The following PGS1 variants were observed in gnomAD, a reference collection of about 807,000 sequenced individuals.
PGS1 encodes CDP-diacylglycerol--glycerol-3-phosphate 3-phosphatidyltransferase, mitochondrial.
Under a neutral mutation model 58.3 loss-of-function variants are expected in PGS1, and 44 were observed. The ratio of observed to expected loss-of-function variants is 0.75; its 90% CI spans 0.59 to 0.97. The LOEUF (loss-of-function observed/expected upper bound fraction) is 0.97, where lower values mean the gene tolerates loss of function less well. Among genes scored for constraint, PGS1 ranks in the 50% least tolerant of loss-of-function variants. The pLI, the probability that PGS1 is intolerant of heterozygous loss-of-function variation, is 0.00. For synonymous variants in PGS1, 330 were observed against 311.0 expected (o/e 1.06, Z -0.64); for missense variants, 684 against 731.1 (o/e 0.94, Z 0.74).
At chr17:78,394,762 C>G (rs547845713) in intron 2 of PGS1, among the ~76,000 whole-genome samples, 1 of 152,086 alleles carries the variant, frequency 6.6e-6, no homozygotes, top group Non-Finnish European at 1.5e-5. Context: ...TCCATGTTGG[C>G]CAGGCTGGTC....
rs1358477067 is a variant in PGS1 at position 78,392,538 on chromosome 17, C to T, written c.206C>T (p.Pro69Leu). 5 of 1,614,162 alleles carry T rather than the reference C, an allele frequency of 3.1e-6. No individual in the cohort carries two copies. The highest frequency in any genetic ancestry group is 2.2e-5 in the East Asian group (1 of 44,886). The change falls in exon 2 of 10, where the codon CCT becomes CTT. Residue 69 changes from proline to leucine, a missense_variant. Physicochemically the swap from Pro to Leu is moderately conservative, Grantham distance 98. Transcript: ENST00000262764. Reference sequence around the variant, plus strand: ...GCTGTTCCCCAGGTCACCTCCCCACCTTGCTGCCTGTGTCCAGAAGGCGTG... The same window carrying T: ...GCTGTTCCCCAGGTCACCTCCCCACTTTGCTGCCTGTGTCCAGAAGGCGTG... Reference protein sequence around the residue: ...SPAVPQVTSPPCCLCPEGVHR... With the variant: ...SPAVPQVTSPLCCLCPEGVHR...
chr17:78,381,222 T>C (rs2082014585), intron 1 of PGS1, among the ~76,000 whole-genome samples: 1 of 152,170 alleles, frequency 6.6e-6, no homozygotes, highest in Admixed American at 6.5e-5. Context: ...CTCTTTTTTT[T>C]GTAAATTGTG....
intron 7 of PGS1, among the ~76,000 whole-genome samples, chr17:78,414,291 C>T (rs2084981327): frequency 1.3e-5 from 2 of 152,230 alleles, no homozygotes; most frequent in Admixed American, 1.3e-4. Context: ...TGCCACCCCG[C>T]GTGACAACCC....
At chr17:78,390,369 G>A (rs1315446284) in intron 1 of PGS1, among the ~76,000 whole-genome samples, 1 of 151,940 alleles carries the variant, frequency 6.6e-6, no homozygotes, top group African/African-American at 2.4e-5. Flanking sequence ...GGGTGGCCAC[G>A]GCCAGTCGCA....
intron 1 of PGS1, among the ~76,000 whole-genome samples, chr17:78,383,303 C>T (rs1014131276): frequency 2.0e-5 from 3 of 151,640 alleles, no homozygotes; most frequent in Admixed American, 6.6e-5. Flanking sequence ...GCTGAGGTGC[C>T]GCAACCTCTG....
At chr17:78,386,275 T>C (rs1956840895) in intron 1 of PGS1, among the ~76,000 whole-genome samples, 1 of 152,064 alleles carries the variant, frequency 6.6e-6, no homozygotes, top group Admixed American at 6.6e-5. Flanking sequence ...GTTGCTGAGG[T>C]TGGTGTGGTG....
Position 78,419,592 on chromosome 17 carries a change from C to T in PGS1, c.1598C>T (p.Thr533Ile), listed in dbSNP as rs147171558. 1 of 1,614,106 alleles carries T rather than the reference C, an allele frequency of 6.2e-7. No homozygotes were observed. Among genetic ancestry groups the T allele is most frequent in the African/African-American group, 1.3e-5 (1 of 75,044 alleles). ...AGGTCAGGTGTGGTGTCCTCTGCCA[C>T]CTTCGAGCAGCCGAGTCGCCAGGTG... is the stretch of plus-strand genomic sequence containing the variant. ...YLRSGVVSSATFEQPSRQVKL... is the reference protein window; with the variant it reads ...YLRSGVVSSAIFEQPSRQVKL... Residue 533 changes from threonine to isoleucine, a missense_variant, in exon 9 of 10, where the codon ACC (threonine) becomes ATC (isoleucine). Transcript: ENST00000262764.
At chr17:78,420,104 TCTGGCTTGCTGCC>T in intron 9 of PGS1, 1 of 1,045,044 alleles carries the variant, frequency 9.6e-7, no homozygotes, top group African/African-American at 1.7e-5. Context: ...TGAGAGTGGC[TCTGGCTTGCTGCC>T]CTGGCCGGCT....
chr17:78,415,197 G>A (rs1383141258), intron 8 of PGS1, among the ~76,000 whole-genome samples, 170 bp downstream of exon 8: 1 of 152,212 alleles, frequency 6.6e-6, no homozygotes, highest in Non-Finnish European at 1.5e-5. Flanking sequence ...GGGTGGCTGA[G>A]CCTTGGAAGA....
chr17:78,384,281 T>TC (rs2082229187), intron 1 of PGS1, among the ~76,000 whole-genome samples: 2 of 152,154 alleles, frequency 1.3e-5, no homozygotes, highest in Non-Finnish European at 2.9e-5. Flanking sequence ...CACACTCATT[T>TC]CCCTTACTCG....
At chr17:78,414,306 T>C (rs1429022431) in intron 7 of PGS1, among the ~76,000 whole-genome samples, 1 of 152,198 alleles carries the variant, frequency 6.6e-6, no homozygotes, top group African/African-American at 2.4e-5. Context: ...CAACCCCACA[T>C]CTGCTGGCTT....
chr17:78,393,746 T>TG (rs1471494162), intron 2 of PGS1, among the ~76,000 whole-genome samples: 3 of 152,128 alleles, frequency 2.0e-5, no homozygotes, highest in Admixed American at 6.6e-5. Flanking sequence ...GTTTTGCATT[T>TG]GGGGGGTTCA....
intron 8 of PGS1, among the ~76,000 whole-genome samples, chr17:78,416,761 C>T (rs116577004): frequency 6.6e-6 from 1 of 152,160 alleles, no homozygotes; most frequent in East Asian, 1.9e-4. Flanking sequence ...GCCTGTGAAA[C>T]GCAGAAATAT....
intron 7 of PGS1, among the ~76,000 whole-genome samples, chr17:78,409,076 C>T (rs1021865264): frequency 3.9e-5 from 6 of 152,188 alleles, no homozygotes; most frequent in Non-Finnish European, 7.3e-5. Flanking sequence ...GAGTATGAAC[C>T]GTGTCAAGCC....
intron 6 of PGS1, among the ~76,000 whole-genome samples, chr17:78,401,121 G>A (rs945828069): frequency 6.6e-6 from 1 of 152,130 alleles, no homozygotes; most frequent in African/African-American, 2.4e-5. Flanking sequence ...GCACTACAGG[G>A]AGGGAAGACG....
In PGS1 at chr17:78,399,334, C is replaced by T. The variant is rs1038822536; in HGVS notation, c.512-14C>T. ...TGTTGTGAGTCAGGTGCCGTTTTCT[C>T]TGTCCGTGTTCAGGCCGGAAGAACT... On this transcript the variant is annotated splice_polypyrimidine_tract_variant and intron_variant, in intron 4 of 9. Transcript: ENST00000262764. The T allele has an allele frequency of 1.2e-6, 2 of 1,608,218 alleles. No individual in the cohort carries two copies. The highest frequency in any genetic ancestry group is 8.5e-7 in the Non-Finnish European group (1 of 1,175,192).
At chr17:78,404,182 C>T in intron 7 of PGS1, 93 bp downstream of exon 7, 1 of 1,334,842 alleles carries the variant, frequency 7.5e-7, no homozygotes, top group Non-Finnish European at 1.0e-6. Flanking sequence ...TGTTAGAGTG[C>T]TGTACTTCTC....
chr17:78,423,788 T>TATTTAAGAGA (rs2086204284), intron 9 of PGS1: 11 of 1,343,372 alleles, frequency 8.2e-6, no homozygotes, highest in Non-Finnish European at 1.1e-5. Flanking sequence ...AGCACCTGAT[T>TATTTAAGAGA]ATTTAAGAGA....
chr17:78,423,932 C>G (rs1428476466), intron 9 of PGS1, 129 bp from the exon 10 acceptor site: 3 of 1,613,880 alleles, frequency 1.9e-6, no homozygotes. Context: ...AGCGCCACGG[C>G]TGCCAGGATC....
Sources: allele counts gnomAD v4.1 joint callset (sites outside exome capture counted in the v4.1 genomes callset), GRCh38; gene constraint gnomAD v4.1.1; transcripts MANE v1.5; gene names NCBI Gene and HGNC (gene_info 2026-07-23, HGNC 2026-07-21).